THADA: variants seen among roughly 807,000 people sequenced by gnomAD.
The protein encoded by THADA is THADA armadillo repeat containing, also known as tRNA (32-2'-O)-methyltransferase regulator THADA.
Under a neutral mutation model 219.8 loss-of-function variants are expected in THADA, and 213 were observed. The ratio of observed to expected loss-of-function variants is 0.97; its 90% CI spans 0.87 to 1.09. THADA has a LOEUF of 1.09. Ranked by LOEUF, THADA falls within the 50% of genes least tolerant of loss-of-function variation. THADA has a pLI of 0.00. For synonymous variants in THADA, 1,018 were observed against 828.9 expected (o/e 1.23, Z -3.92); for missense variants, 2,956 against 2,311.3 (o/e 1.28, Z -5.72).
intron 8 of THADA, among the ~76,000 whole-genome samples, chr2:43,580,027 T>C (rs1308357733): frequency 6.8e-6 from 1 of 147,310 alleles, no homozygotes; most frequent in Non-Finnish European, 1.5e-5. Context: ...GCTACTTCTT[T>C]TTTTTTTTTT....
At chr2:43,525,270 G>A (rs751377315) in intron 22 of THADA, among the ~76,000 whole-genome samples, 6 of 152,128 alleles carry the variant, frequency 3.9e-5, no homozygotes, top group African/African-American at 7.2e-5. Flanking sequence ...TGGTTCATGT[G>A]GCAGATGGCG....
intron 34 of THADA, among the ~76,000 whole-genome samples, chr2:43,288,516 G>A (rs555173168): frequency 3.0e-4 from 45 of 152,308 alleles, no homozygotes; most frequent in Admixed American, 5.2e-4. Flanking sequence ...TTACAAAGAT[G>A]AGAATCTAGA....
At chr2:43,410,818 A>C (rs1342216541) in intron 28 of THADA, among the ~76,000 whole-genome samples, 1 of 152,196 alleles carries the variant, frequency 6.6e-6, no homozygotes, top group African/African-American at 2.4e-5. Context: ...GTATATAAAA[A>C]TATCAAATTG....
In THADA at chr2:43,586,945, A is replaced by G. The variant is rs775552525; in HGVS notation, c.360T>C (p.Ser120=). ...TAGTATTCAATTCTTCCTGAAGACG[A>G]GAAGTAAAACGGTGCATAGCCTCAG... ...FLPEAMHRFT[S]RLQEELNTTD... Residue 120 remains serine, a synonymous_variant, in exon 5 of 38, where the codon TCT becomes TCC. Transcript: ENST00000405975. 2 of 1,613,882 alleles carry G rather than the reference A, an allele frequency of 1.2e-6. No homozygotes were observed. The highest frequency in any genetic ancestry group is 1.7e-6 in the Non-Finnish European group (2 of 1,179,836).
At chr2:43,578,935 G>T (rs978454920) in intron 8 of THADA, among the ~76,000 whole-genome samples, 5 of 152,156 alleles carry the variant, frequency 3.3e-5, no homozygotes, top group Admixed American at 1.3e-4. Context: ...GGGTTCAGGC[G>T]ATTCTCCTGC....
At chr2:43,479,361 G>C (rs548587199) in intron 26 of THADA, among the ~76,000 whole-genome samples, 1 of 152,044 alleles carries the variant, frequency 6.6e-6, no homozygotes, top group African/African-American at 2.4e-5. Context: ...TAACTTTTCT[G>C]CACCTCAATT....
At chr2:43,545,218 T>C (rs1489404487) in intron 20 of THADA, among the ~76,000 whole-genome samples, 4 of 151,754 alleles carry the variant, frequency 2.6e-5, no homozygotes, top group Admixed American at 1.3e-4. Flanking sequence ...ATCCCAGGGA[T>C]GAAGCCCACT....
At chr2:43,461,993 C>A (rs1385214077) in intron 26 of THADA, among the ~76,000 whole-genome samples, 1 of 152,106 alleles carries the variant, frequency 6.6e-6, no homozygotes, top group Non-Finnish European at 1.5e-5. Flanking sequence ...GAGTTTAAAC[C>A]CAAGCTTTAA....
intron 22 of THADA, 115 bp downstream of exon 22, chr2:43,527,764 A>T: frequency 1.5e-6 from 1 of 652,942 alleles, no homozygotes; most frequent in Non-Finnish European, 2.6e-6. Context: ...AGAGTTTTGT[A>T]GTCAACCAGG....
intron 1 of THADA, among the ~76,000 whole-genome samples, chr2:43,594,652 T>C (rs762039327): frequency 1.3e-5 from 2 of 152,176 alleles, no homozygotes; most frequent in African/African-American, 2.4e-5. Flanking sequence ...CTAAATAATC[T>C]GACCCTGCCT....
intron 29 of THADA, among the ~76,000 whole-genome samples, chr2:43,380,230 T>A (rs992680842): frequency 1.3e-5 from 2 of 152,176 alleles, no homozygotes; most frequent in African/African-American, 4.8e-5. Context: ...GGTGAAAGAA[T>A]CTAACTGTAC....
intron 11 of THADA, 92 bp downstream of exon 11, chr2:43,574,244 A>T: frequency 1.1e-6 from 1 of 872,342 alleles, no homozygotes; most frequent in Non-Finnish European, 1.7e-6. Context: ...TAGAAGTGAT[A>T]TTTAAATTTG....
intron 29 of THADA, among the ~76,000 whole-genome samples, chr2:43,360,386 T>G (rs1470482726): frequency 6.6e-6 from 1 of 152,222 alleles, no homozygotes; most frequent in Non-Finnish European, 1.5e-5. Context: ...ACAGTGAAAG[T>G]AAACAGCAAG....
At chr2:43,391,180 C>A (rs1009884502) in intron 29 of THADA, among the ~76,000 whole-genome samples, 6 of 152,174 alleles carry the variant, frequency 3.9e-5, no homozygotes, top group Non-Finnish European at 8.8e-5. Context: ...TACACACACA[C>A]TCTATCTCTC....
intron 10 of THADA, among the ~76,000 whole-genome samples, chr2:43,575,322 C>T (rs959730484): frequency 2.0e-5 from 3 of 152,162 alleles, no homozygotes; most frequent in Non-Finnish European, 4.4e-5. Context: ...TGGTGACACA[C>T]ACCTACAGTC....
intron 35 of THADA, among the ~76,000 whole-genome samples, chr2:43,285,235 A>G: frequency 6.6e-6 from 1 of 152,216 alleles, no homozygotes; most frequent in Admixed American, 6.5e-5. Flanking sequence ...GGGCAAAATG[A>G]TATGATCTGG....
chr2:43,261,883 C>T (rs1234529631), intron 36 of THADA, among the ~76,000 whole-genome samples: 5 of 152,206 alleles, frequency 3.3e-5, no homozygotes, highest in South Asian at 2.1e-4. Context: ...GTGATCCACT[C>T]GCCTCGGCCT....
At position 43,344,436 on chromosome 2, in the gene THADA, T is replaced by C. The variant is rs183597616; in HGVS notation, c.4228-199A>G. ...CCGAGAAACCCAAGTCCTTAATCCA[T>C]ACTTTGCTATGGGTTTCTCACACAA... On this transcript the variant is annotated intron_variant, in intron 29 of 37. Coordinates refer to ENST00000405975, the MANE Select transcript of THADA (RefSeq NM_022065.5). 5.6e-4 allele frequency among the ~76,000 whole-genome samples: 85 copies of C among 152,314 alleles called. 1 individual carries two copies. The highest frequency in any genetic ancestry group is 2.0e-3 in the African/African-American group (84 of 41,546).
chr2:43,566,152 A>T, intron 15 of THADA: 1 of 332,482 alleles, frequency 3.0e-6, no homozygotes. Flanking sequence ...AAAAAGATTC[A>T]AAGAGGGAAC....
Sources: allele counts gnomAD v4.1 joint callset (sites outside exome capture counted in the v4.1 genomes callset), GRCh38; gene constraint gnomAD v4.1.1; transcripts MANE v1.5; gene names NCBI Gene and HGNC (gene_info 2026-07-23, HGNC 2026-07-21).